Variants in PXDNL observed in about 807,000 individuals in gnomAD.
PXDNL encodes peroxidasin like, also known as probable oxidoreductase PXDNL.
PXDNL carries 145 observed loss-of-function variants against 150.8 expected under a neutral mutation model. The ratio of observed to expected loss-of-function variants is 0.96; its 90% CI spans 0.84 to 1.10. PXDNL has a LOEUF of 1.10. PXDNL is among the 50% of genes least tolerant of loss of function. The probability of loss-of-function intolerance (pLI) is 0.00; values close to 1 mark genes in which losing one functional copy is unlikely to be tolerated. For synonymous variants in PXDNL, 757 were observed against 725.7 expected, an observed-to-expected ratio of 1.04 and a Z score of -0.69; for missense variants, 2,087 against 1,873.9, an observed-to-expected ratio of 1.11 and a Z score of -2.10.
intron 19 of PXDNL, among the ~76,000 whole-genome samples, chr8:51,354,432 G>A (rs1357475895): frequency 1.3e-5 from 2 of 151,980 alleles, no homozygotes; most frequent in African/African-American, 2.4e-5. Flanking sequence ...AGTATTATGC[G>A]AACACTCTTG....
At chr8:51,321,732 A>G (rs1805320616) in intron 21 of PXDNL, among the ~76,000 whole-genome samples, 1 of 152,034 alleles carries the variant, frequency 6.6e-6, no homozygotes, top group Admixed American at 6.5e-5. Context: ...TGTTAACCCT[A>G]TGGAACTGTA....
chr8:51,698,714 A>G (rs1247826512), intron 1 of PXDNL, among the ~76,000 whole-genome samples: 1 of 152,232 alleles, frequency 6.6e-6, no homozygotes, highest in African/African-American at 2.4e-5. Context: ...TACTTTTCCC[A>G]GGTCCCTCAG....
chr8:51,495,594 G>A (rs1464484762), intron 5 of PXDNL, among the ~76,000 whole-genome samples: 1 of 151,808 alleles, frequency 6.6e-6, no homozygotes, highest in African/African-American at 2.4e-5. Flanking sequence ...ATGATAAAGG[G>A]GATATCACCA....
At chr8:51,682,895 G>A (rs1226065882) in intron 1 of PXDNL, among the ~76,000 whole-genome samples, 1 of 151,830 alleles carries the variant, frequency 6.6e-6, no homozygotes, top group African/African-American at 2.4e-5. Context: ...GTGGGAGGCT[G>A]GGAATTTCCA....
chr8:51,769,213 C>A (rs1201974299), intron 1 of PXDNL, among the ~76,000 whole-genome samples: 4 of 152,194 alleles, frequency 2.6e-5, no homozygotes, highest in Non-Finnish European at 5.9e-5. Flanking sequence ...ATGTGCCCAG[C>A]AGTTCATATG....
chr8:51,534,966 TG>T (rs1323738878), intron 4 of PXDNL, among the ~76,000 whole-genome samples: 1 of 88,986 alleles, frequency 1.1e-5, no homozygotes, highest in Non-Finnish European at 2.0e-5. Context: ...GGGAGGGAGG[TG>T]GGGGGGTCAG....
At chr8:51,738,205 G>A (rs1223421464) in intron 1 of PXDNL, among the ~76,000 whole-genome samples, 1 of 152,182 alleles carries the variant, frequency 6.6e-6, no homozygotes, top group East Asian at 1.9e-4. Flanking sequence ...CCTAAAATCT[G>A]TCAGTGTTTT....
intron 4 of PXDNL, among the ~76,000 whole-genome samples, chr8:51,502,966 GTAAT>G (rs1439015608): frequency 1.3e-5 from 2 of 152,034 alleles, no homozygotes; most frequent in African/African-American, 2.4e-5. Context: ...ATTATCCACA[GTAAT>G]TAATAATTAT....
chr8:51,409,346 C>A lies in PXDNL; in HGVS notation c.2278G>T (p.Gly760Cys). The A allele has an allele frequency of 2.6e-6, 4 of 1,510,896 alleles. No individual in the cohort carries two copies. The highest frequency in any genetic ancestry group is 2.9e-5 in the African/African-American group (2 of 69,656). 93.6% of individuals were successfully genotyped at this position (1,510,896 alleles called of 1,614,324 possible). A position where few individuals can be genotyped will look rare whatever the true frequency, so the allele number is the denominator to read the frequency against. ...CCGAGCCCGCGGGGCGCGCGGATGC[C>A]GTCCCGGTAGGCTGGCTGCAGCAGG... ...ARLLQPAYRD[G>C]IRAPRGLGLP... The change falls in exon 17 of 23, where the codon GGC (glycine) becomes TGC (cysteine). Residue 760 changes from glycine to cysteine, a missense_variant. Transcript: ENST00000356297.
At chr8:51,719,608 C>T (rs1035244980) in intron 1 of PXDNL, among the ~76,000 whole-genome samples, 1 of 151,496 alleles carries the variant, frequency 6.6e-6, no homozygotes, top group Non-Finnish European at 1.5e-5. Context: ...CCAAATCCCC[C>T]TCTGCGAGAA....
At chr8:51,390,815 T>C (rs1051194881) in intron 17 of PXDNL, among the ~76,000 whole-genome samples, 1 of 152,074 alleles carries the variant, frequency 6.6e-6, no homozygotes, top group Non-Finnish European at 1.5e-5. Flanking sequence ...TACATATGTA[T>C]ACATGTGCCA....
At chr8:51,377,144 A>ACACACACAC (rs10683453) in intron 17 of PXDNL, among the ~76,000 whole-genome samples, 8 of 146,300 alleles carry the variant, frequency 5.5e-5, no homozygotes, top group African/African-American at 8.2e-5. Context: ...ACACACACAC[A>ACACACACAC]AAGCCAAAGC....
intron 5 of PXDNL, among the ~76,000 whole-genome samples, chr8:51,497,110 G>T (rs908069537): frequency 1.3e-5 from 2 of 152,096 alleles, no homozygotes; most frequent in Non-Finnish European, 2.9e-5. Flanking sequence ...GAACAGAACA[G>T]AGCCCTCAGA....
chr8:51,608,894 CAT>C (rs927740428), intron 2 of PXDNL, among the ~76,000 whole-genome samples: 7 of 143,560 alleles, frequency 4.9e-5, no homozygotes, highest in African/African-American at 1.8e-4. Context: ...TAAGGAAAAG[CAT>C]ATGTTTTCTC....
At chr8:51,783,457 C>A (rs1435025655) in intron 1 of PXDNL, among the ~76,000 whole-genome samples, 1 of 152,164 alleles carries the variant, frequency 6.6e-6, no homozygotes, top group Non-Finnish European at 1.5e-5. Flanking sequence ...CAGCTAGATG[C>A]TTTTGATTGG....
At chr8:51,661,001 C>A (rs1815259632) in intron 1 of PXDNL, among the ~76,000 whole-genome samples, 1 of 152,206 alleles carries the variant, frequency 6.6e-6, no homozygotes. Context: ...CGGGACACTG[C>A]CGCACTGCCC....
chr8:51,735,894 A>T (rs1817028807), intron 1 of PXDNL, among the ~76,000 whole-genome samples: 1 of 152,226 alleles, frequency 6.6e-6, no homozygotes. Context: ...TAGCCTAAAA[A>T]GAGATAAAAG....
intron 4 of PXDNL, among the ~76,000 whole-genome samples, chr8:51,550,680 C>A (rs905305962): frequency 6.6e-6 from 1 of 151,950 alleles, no homozygotes; most frequent in Non-Finnish European, 1.5e-5. Flanking sequence ...AGGGAAATAC[C>A]CTAAGGTAAT....
chr8:51,565,526 G>A (rs781646709), intron 3 of PXDNL, among the ~76,000 whole-genome samples: 8 of 151,230 alleles, frequency 5.3e-5, no homozygotes, highest in East Asian at 2.0e-4. Context: ...ATAATATGTC[G>A]TTTTTTACTA....
Sources: gnomAD v4.1 joint callset for allele counts (sites outside exome capture counted in the v4.1 genomes callset) on GRCh38, gnomAD v4.1.1 for gene constraint, MANE v1.5 for transcripts, NCBI Gene and HGNC (gene_info 2026-07-23, HGNC 2026-07-21) for gene names.